PIK3C2G: variants seen among roughly 807,000 people sequenced by gnomAD.
PIK3C2G encodes the protein phosphatidylinositol 3-kinase C2 domain-containing subunit gamma.
Under a neutral mutation model 181.1 loss-of-function variants are expected in PIK3C2G, and 168 were observed. The ratio of observed to expected loss-of-function variants is 0.93; its 90% CI spans 0.82 to 1.05. PIK3C2G has a LOEUF of 1.05. Among genes scored for constraint, PIK3C2G ranks in the 50% least tolerant of loss-of-function variants. The probability of loss-of-function intolerance (pLI) is 0.00; values close to 1 mark genes in which losing one functional copy is unlikely to be tolerated. For synonymous variants in PIK3C2G, 573 were observed against 592.2 expected (o/e 0.97, Z 0.47); for missense variants, 1,869 against 1,732.8 (o/e 1.08, Z -1.40).
At chr12:18,368,681 T>C (rs1191210454) in intron 12 of PIK3C2G, among the ~76,000 whole-genome samples, 3 of 152,212 alleles carry the variant, frequency 2.0e-5, no homozygotes, top group African/African-American at 7.2e-5. Flanking sequence ...GTATTAGTTA[T>C]GCCTTTTACT....
chr12:18,602,884 C>T (rs1195600291), intron 30 of PIK3C2G, among the ~76,000 whole-genome samples: 1 of 152,132 alleles, frequency 6.6e-6, no homozygotes, highest in Non-Finnish European at 1.5e-5. Flanking sequence ...ATCCTTCAGC[C>T]CTTGACTTTC....
chr12:18,720,871 T>C, the PIK3C2G span, among the ~76,000 whole-genome samples: 2 of 152,170 alleles, frequency 1.3e-5, 1 homozygote, highest in Non-Finnish European at 2.9e-5. Context: ...TTAAGAATAA[T>C]GTATCATAAA....
chr12:18,353,031 T>A (rs1940377406), intron 11 of PIK3C2G, among the ~76,000 whole-genome samples: 1 of 152,176 alleles, frequency 6.6e-6, no homozygotes, highest in Non-Finnish European at 1.5e-5. Context: ...GAATGCATGT[T>A]CTCACTTTGG....
intron 6 of PIK3C2G, among the ~76,000 whole-genome samples, chr12:18,316,920 C>A (rs572142701): frequency 2.6e-4 from 39 of 151,960 alleles, no homozygotes; most frequent in African/African-American, 9.4e-4. Flanking sequence ...GGGGATGCAA[C>A]TGACACTGAT....
chr12:18,608,980 A>T (rs998779771), intron 30 of PIK3C2G, among the ~76,000 whole-genome samples: 2 of 152,112 alleles, frequency 1.3e-5, no homozygotes, highest in African/African-American at 4.8e-5. Context: ...CTGCTATGGG[A>T]TGAGAAAAAA....
chr12:18,636,693 C>T (rs908081119), intron 31 of PIK3C2G, among the ~76,000 whole-genome samples: 2 of 152,208 alleles, frequency 1.3e-5, no homozygotes, highest in South Asian at 4.1e-4. Flanking sequence ...AATCCACTCT[C>T]ATTCTCCAAG....
At position 18,610,905 on chromosome 12, in the gene PIK3C2G, G is replaced by A. The variant is rs536847095; in HGVS notation, c.4182+1276G>A. Reference sequence around the variant, plus strand: ...GAAATGATATATTTATTCCAGTAATGTTATCATTGCTCAAAACATTTTAGA... The same window carrying A: ...GAAATGATATATTTATTCCAGTAATATTATCATTGCTCAAAACATTTTAGA... On this transcript the variant is annotated intron_variant, in intron 31 of 32. Coordinates refer to ENST00000538779, the MANE Select transcript of PIK3C2G (RefSeq NM_001288772.2). 3.9e-5 allele frequency among the ~76,000 whole-genome samples: 6 copies of A among 152,096 alleles called. No individual in the cohort carries two copies. The South Asian group carries it at 1.2e-3, about 32-fold the overall frequency.
At chr12:18,564,991 A>G (rs553273535) in intron 28 of PIK3C2G, among the ~76,000 whole-genome samples, 1 of 152,238 alleles carries the variant, frequency 6.6e-6, no homozygotes, top group Admixed American at 6.5e-5. Context: ...TTTTGTTAGG[A>G]TTCTGCTTTG....
At chr12:18,514,602 A>G (rs1473479311) in intron 24 of PIK3C2G, among the ~76,000 whole-genome samples, 1 of 151,916 alleles carries the variant, frequency 6.6e-6, no homozygotes, top group Non-Finnish European at 1.5e-5. Context: ...GTATCCTGCA[A>G]CTTTATTGAA....
rs184209431 is a variant in PIK3C2G, at chr12:18,527,167, G to A, written c.3324-10989G>A. ...CAAGCATAAGATGGAAGGCATGAAT[G>A]CTGATTCCTCAGCTGGTCTAAGGTA... On this transcript the variant is annotated intron_variant, in intron 24 of 32. Transcript: ENST00000538779. Among the ~76,000 whole-genome samples the A allele has an allele frequency of 1.2e-4, 19 of 152,266 alleles. No individual in the cohort carries two copies. In the East Asian group the frequency reaches 3.7e-3, roughly 29 times the overall value.
the PIK3C2G span, among the ~76,000 whole-genome samples, chr12:18,722,666 T>G: frequency 1.1e-4 from 16 of 152,084 alleles, no homozygotes; most frequent in Admixed American, 3.3e-4. Flanking sequence ...TGAAAAACTG[T>G]GAAGTGTTTT....
intron 25 of PIK3C2G, among the ~76,000 whole-genome samples, chr12:18,543,812 T>A (rs1944290487): frequency 6.6e-6 from 1 of 151,794 alleles, no homozygotes; most frequent in South Asian, 2.1e-4. Context: ...TGTGTTTTTT[T>A]ATTCATGCAT....
At chr12:18,629,322 A>G (rs1460963965) in intron 31 of PIK3C2G, among the ~76,000 whole-genome samples, 1 of 152,324 alleles carries the variant, frequency 6.6e-6, no homozygotes, top group East Asian at 1.9e-4. Flanking sequence ...TCTGCCTACA[A>G]GGTCCCTAAG....
At chr12:18,480,575 G>C (rs1939458702) in intron 18 of PIK3C2G, among the ~76,000 whole-genome samples, 1 of 152,112 alleles carries the variant, frequency 6.6e-6, no homozygotes, top group Non-Finnish European at 1.5e-5. Context: ...TTGAGGACTA[G>C]TTAAAACAAG....
intron 18 of PIK3C2G, among the ~76,000 whole-genome samples, chr12:18,427,766 T>C (rs375914963): frequency 6.6e-6 from 1 of 151,878 alleles, no homozygotes; most frequent in African/African-American, 2.4e-5. Context: ...TTTTTGTGTA[T>C]AATTCTCATC....
chr12:18,423,144 A>AGT (rs1235759272), intron 17 of PIK3C2G, among the ~76,000 whole-genome samples: 32 of 151,156 alleles, frequency 2.1e-4, no homozygotes, highest in African/African-American at 7.8e-4. Flanking sequence ...AGAGAGAGAG[A>AGT]GAGTGTGTGT....
intron 15 of PIK3C2G, among the ~76,000 whole-genome samples, chr12:18,396,881 A>G (rs1179246280): frequency 6.6e-6 from 1 of 151,826 alleles, no homozygotes; most frequent in Non-Finnish European, 1.5e-5. Context: ...ATATAATCCC[A>G]ATGAAAATCC....
intron 24 of PIK3C2G, among the ~76,000 whole-genome samples, chr12:18,525,367 T>C (rs1165295234): frequency 6.6e-6 from 1 of 151,648 alleles, no homozygotes; most frequent in Non-Finnish European, 1.5e-5. Flanking sequence ...TACTCCAACC[T>C]GGGCAACAAA....
intron 31 of PIK3C2G, among the ~76,000 whole-genome samples, chr12:18,613,855 G>A (rs1948466648): frequency 6.6e-6 from 1 of 152,076 alleles, no homozygotes. Flanking sequence ...TTGGCACCAA[G>A]TAAATTGTGG....
Sources: allele counts gnomAD v4.1 joint callset (sites outside exome capture counted in the v4.1 genomes callset), GRCh38; gene constraint gnomAD v4.1.1; transcripts MANE v1.5; gene names NCBI Gene and HGNC (gene_info 2026-07-23, HGNC 2026-07-21).